The following ABCC1 variants were observed in gnomAD, a reference collection of about 807,000 sequenced individuals.
ABCC1 encodes the protein multidrug resistance-associated protein 1.
In ABCC1, 83 loss-of-function variants were observed where a neutral mutation model predicts 172.9. That is an observed-to-expected ratio of 0.48 (90% CI 0.40 to 0.58). The LOEUF (loss-of-function observed/expected upper bound fraction) is 0.58, where lower values mean the gene tolerates loss of function less well. ABCC1 is among the 20% of genes least tolerant of loss of function. ABCC1 has a pLI of 0.00. For missense variants in ABCC1, 1,817 were observed against 2,002.7 expected, an observed-to-expected ratio of 0.91 and a Z score of 1.77; for synonymous variants, 937 against 825.2, an observed-to-expected ratio of 1.14 and a Z score of -2.32.
intron 7 of ABCC1, among the ~76,000 whole-genome samples, chr16:16,040,378 C>G (rs577579155): frequency 2.0e-5 from 3 of 151,964 alleles, no homozygotes; most frequent in South Asian, 4.2e-4. Context: ...ACCTCCACCC[C>G]CCGGGTTCAA....
chr16:16,117,476 C>T (rs757710407), intron 23 of ABCC1, among the ~76,000 whole-genome samples: 1 of 152,146 alleles, frequency 6.6e-6, no homozygotes, highest in African/African-American at 2.4e-5. Flanking sequence ...CATATAACCA[C>T]GGAAAGTGCA....
intron 20 of ABCC1, among the ~76,000 whole-genome samples, chr16:16,104,754 G>T (rs1311283357): frequency 6.6e-6 from 1 of 152,176 alleles, no homozygotes; most frequent in Non-Finnish European, 1.5e-5. Flanking sequence ...CCGCGCAGGA[G>T]CCCATAGCGG....
At chr16:16,082,034 G>T (rs1048078360) in intron 16 of ABCC1, among the ~76,000 whole-genome samples, 6 of 152,056 alleles carry the variant, frequency 3.9e-5, no homozygotes, top group African/African-American at 9.7e-5. Flanking sequence ...ATCTTCAGGG[G>T]CTCCCCTTGC....
At chr16:16,031,574 A>G (rs2048558766) in intron 5 of ABCC1, among the ~76,000 whole-genome samples, 1 of 152,198 alleles carries the variant, frequency 6.6e-6, no homozygotes, top group African/African-American at 2.4e-5. Flanking sequence ...CCTCCAGTGT[A>G]GACTACTCAG....
intron 8 of ABCC1, 85 bp from the exon 9 acceptor site, chr16:16,045,751 A>G (rs1344231993): frequency 4.5e-6 from 6 of 1,336,372 alleles, no homozygotes; most frequent in Non-Finnish European, 5.2e-6. Flanking sequence ...GGCTCAGGAG[A>G]AAGTTGCAGT....
intron 12 of ABCC1, among the ~76,000 whole-genome samples, chr16:16,057,599 C>T (rs1270782670): frequency 1.3e-5 from 2 of 151,886 alleles, no homozygotes; most frequent in African/African-American, 4.8e-5. Context: ...CCATCAGTTC[C>T]TCCCTTCTAA....
chr16:16,076,496 G>T, intron 15 of ABCC1, 95 bp downstream of exon 15: 1 of 1,215,624 alleles, frequency 8.2e-7, no homozygotes, highest in South Asian at 1.6e-5. Flanking sequence ...CCCTCTCTGT[G>T]ACCTTGAACA....
chr16:16,015,131 CTTTTTTTTT>C (rs10694441), intron 4 of ABCC1, among the ~76,000 whole-genome samples: 2 of 124,522 alleles, frequency 1.6e-5, no homozygotes, highest in East Asian at 2.3e-4. Flanking sequence ...GGAGTGTGCA[CTTTTTTTTT>C]TTTTTTTTTG....
chr16:15,968,277 G>A (rs1187713060), intron 1 of ABCC1, among the ~76,000 whole-genome samples: 3 of 151,590 alleles, frequency 2.0e-5, no homozygotes, highest in Admixed American at 6.6e-5. Context: ...CAGGTGATCC[G>A]CCTACCTCGG....
chr16:16,115,607 C>A (rs747192301), intron 23 of ABCC1, among the ~76,000 whole-genome samples: 9 of 152,032 alleles, frequency 5.9e-5, no homozygotes, highest in Non-Finnish European at 4.4e-5. Flanking sequence ...TCGACCTCCC[C>A]AAGTGTTGGG....
rs115920212 is a variant in ABCC1, at chr16:16,050,025, T to C, written c.1380+1722T>C. 2.5e-3 allele frequency among the ~76,000 whole-genome samples: 387 copies of C among 152,290 alleles called. 3 individuals carry two copies. The highest frequency in any genetic ancestry group is 8.5e-3 in the African/African-American group (352 of 41,580). On this transcript the variant is annotated intron_variant, in intron 10 of 30. Transcript: ENST00000399410. The stretch of plus-strand genomic sequence containing the variant: ...CTGAAATAGTTTTGTTTTGTTTTTT[T>C]TGCATGCTCAGTGTACTGCCTCCTC...
intron 1 of ABCC1, among the ~76,000 whole-genome samples, chr16:15,992,361 T>A (rs1349513319): frequency 6.6e-6 from 1 of 152,146 alleles, no homozygotes; most frequent in Non-Finnish European, 1.5e-5. Flanking sequence ...TGAAAAATCG[T>A]CTTCCACAAA....
rs1370380806 is a variant in ABCC1 at position 15,949,727 on chromosome 16, G to A, written c.-25G>A. The stretch of plus-strand genomic sequence containing the variant: ...CGGGCCCGATCACCCGCCGCCCGGT[G>A]CCCGCCGCCGCCCGCGCCACCGGCA... On this transcript the variant is annotated 5_prime_UTR_variant, in exon 1 of 31. Coordinates refer to ENST00000399410, the MANE Select transcript of ABCC1 (RefSeq NM_004996.4). The A allele has an allele frequency of 1.6e-5, 18 of 1,147,688 alleles. No homozygotes were observed. The highest frequency in any genetic ancestry group is 1.9e-5 in the Non-Finnish European group (18 of 932,878). 71.1% of individuals were successfully genotyped at this position (1,147,688 alleles called of 1,614,324 possible). A position where few individuals can be genotyped will look rare whatever the true frequency, so the allele number is the denominator to read the frequency against.
At chr16:16,089,983 C>T (rs2051175851) in intron 18 of ABCC1, among the ~76,000 whole-genome samples, 1 of 152,018 alleles carries the variant, frequency 6.6e-6, no homozygotes, top group African/African-American at 2.4e-5. Context: ...TCTTGTCATT[C>T]AGGTTTTTGT....
intron 4 of ABCC1, 132 bp from the exon 5 acceptor site, chr16:16,016,364 G>C (rs1035540965): frequency 1.7e-6 from 2 of 1,148,898 alleles, no homozygotes; most frequent in Non-Finnish European, 1.2e-6. Flanking sequence ...ATGTTGACCA[G>C]GATGGTCTCC....
At chr16:16,054,396 G>T (rs1452521366) in intron 11 of ABCC1, among the ~76,000 whole-genome samples, 1 of 152,144 alleles carries the variant, frequency 6.6e-6, no homozygotes, top group Admixed American at 6.6e-5. Flanking sequence ...GTGCTGTGCC[G>T]TATAGCTTCA....
At chr16:16,057,104 G>A (rs1182691706) in intron 12 of ABCC1, among the ~76,000 whole-genome samples, 2 of 150,986 alleles carry the variant, frequency 1.3e-5, no homozygotes, top group Non-Finnish European at 2.9e-5. Context: ...CCCTTTGGGA[G>A]TCCAAGGTGG....
chr16:15,958,399 C>G (rs151005473), intron 1 of ABCC1, among the ~76,000 whole-genome samples: 1 of 152,124 alleles, frequency 6.6e-6, no homozygotes, highest in South Asian at 2.1e-4. Flanking sequence ...CATGAGCCAC[C>G]GTGCCTGGCC....
chr16:16,104,745 C>G (rs145883517), intron 20 of ABCC1, among the ~76,000 whole-genome samples: 4 of 152,238 alleles, frequency 2.6e-5, no homozygotes, highest in African/African-American at 9.6e-5. Context: ...AGGCTCGGGC[C>G]GCGCAGGAGC....
Sources: gnomAD v4.1 joint callset for allele counts (sites outside exome capture counted in the v4.1 genomes callset) on GRCh38, gnomAD v4.1.1 for gene constraint, MANE v1.5 for transcripts, NCBI Gene and HGNC (gene_info 2026-07-23, HGNC 2026-07-21) for gene names.